Variants in TMEM132D observed in about 807,000 individuals in gnomAD.
TMEM132D encodes the protein transmembrane protein 132D.
TMEM132D carries 21 observed loss-of-function variants against 62.3 expected under a neutral mutation model. The observed-to-expected ratio is 0.34, with a 90% CI of 0.24 to 0.49. The LOEUF is 0.49. Among genes scored for constraint, TMEM132D ranks in the 20% least tolerant of loss-of-function variants. The pLI, the probability that TMEM132D is intolerant of heterozygous loss-of-function variation, is 0.99. For missense variants in TMEM132D, 1,346 were observed against 1,402.8 expected, an observed-to-expected ratio of 0.96 and a Z score of 0.65; for synonymous variants, 621 against 575.6, an observed-to-expected ratio of 1.08 and a Z score of -1.13.
intron 1 of TMEM132D, among the ~76,000 whole-genome samples, chr12:129,814,025 T>C (rs1872271529): frequency 6.6e-6 from 1 of 152,196 alleles, no homozygotes; most frequent in African/African-American, 2.4e-5. Flanking sequence ...CACTGAGGTC[T>C]GATGGAATGA....
At chr12:129,449,981 C>G (rs762094029) in intron 3 of TMEM132D, among the ~76,000 whole-genome samples, 16 of 152,276 alleles carry the variant, frequency 1.1e-4, no homozygotes, top group Non-Finnish European at 2.1e-4. Flanking sequence ...CAGTGATGAG[C>G]TTTTTTCCAT....
intron 2 of TMEM132D, among the ~76,000 whole-genome samples, chr12:129,677,326 C>T (rs1565945648): frequency 6.6e-6 from 1 of 152,186 alleles, no homozygotes; most frequent in Non-Finnish European, 1.5e-5. Flanking sequence ...CTCCCACCAT[C>T]CACATAAGAC....
intron 2 of TMEM132D, among the ~76,000 whole-genome samples, chr12:129,567,307 G>T (rs1174536934): frequency 6.6e-6 from 1 of 152,160 alleles, no homozygotes; most frequent in African/African-American, 2.4e-5. Context: ...ACCAATTCAT[G>T]ATATTATACA....
intron 2 of TMEM132D, among the ~76,000 whole-genome samples, chr12:129,562,842 C>G (rs1202195806): frequency 6.6e-6 from 1 of 152,176 alleles, no homozygotes; most frequent in Non-Finnish European, 1.5e-5. Flanking sequence ...TCCTTTAAGA[C>G]CCGGTTTACA....
At chr12:129,508,230 T>A (rs2137072105) in intron 3 of TMEM132D, among the ~76,000 whole-genome samples, 1 of 152,260 alleles carries the variant, frequency 6.6e-6, no homozygotes, top group South Asian at 2.1e-4. Flanking sequence ...TCTCTACAAG[T>A]TATACAATCC....
intron 3 of TMEM132D, among the ~76,000 whole-genome samples, chr12:129,372,872 G>A (rs1393149068): frequency 2.6e-5 from 4 of 152,226 alleles, no homozygotes; most frequent in East Asian, 3.9e-4. Flanking sequence ...TAAAGGTAAT[G>A]TGCTTGAATT....
chr12:129,544,409 T>C (rs1642769074), intron 2 of TMEM132D, among the ~76,000 whole-genome samples: 1 of 152,234 alleles, frequency 6.6e-6, no homozygotes, highest in South Asian at 2.1e-4. Flanking sequence ...ACACTATTCA[T>C]TAAATGATTC....
chr12:129,309,603 A>C (rs1399166022), intron 4 of TMEM132D, among the ~76,000 whole-genome samples: 1 of 152,114 alleles, frequency 6.6e-6, no homozygotes, highest in African/African-American at 2.4e-5. Context: ...CTCAGAGGAG[A>C]GTTGCACTTT....
At chr12:129,833,558 G>A (rs974158858) in intron 1 of TMEM132D, among the ~76,000 whole-genome samples, 6 of 152,176 alleles carry the variant, frequency 3.9e-5, no homozygotes, top group Admixed American at 2.0e-4. Flanking sequence ...CCAGGAGTTC[G>A]AGGCTGCTGT....
At chr12:129,638,616 CATATAT>C (rs569430518) in intron 2 of TMEM132D, among the ~76,000 whole-genome samples, 1 of 89,112 alleles carries the variant, frequency 1.1e-5, no homozygotes. Context: ...ATAAATTCAG[CATATAT>C]ATATATATAT....
intron 3 of TMEM132D, among the ~76,000 whole-genome samples, chr12:129,488,768 G>A (rs1874667422): frequency 6.6e-6 from 1 of 152,136 alleles, no homozygotes; most frequent in Admixed American, 6.5e-5. Context: ...CAGGTGGGCA[G>A]GGGCTAGGGG....
At chr12:129,350,004 T>C (rs1427690512) in intron 3 of TMEM132D, among the ~76,000 whole-genome samples, 1 of 152,230 alleles carries the variant, frequency 6.6e-6, no homozygotes, top group Non-Finnish European at 1.5e-5. Flanking sequence ...GTTGCTAAAC[T>C]ATGCCAAGAA....
intron 1 of TMEM132D, among the ~76,000 whole-genome samples, chr12:129,877,613 G>GCGCACACACACACACACA (rs1555238201): frequency 8.3e-5 from 12 of 144,400 alleles, no homozygotes; most frequent in African/African-American, 2.8e-4. Flanking sequence ...GCGCGCGCGC[G>GCGCACACACACACACACA]CACACACACA....
intron 5 of TMEM132D, among the ~76,000 whole-genome samples, chr12:129,093,508 C>A (rs1029662371): frequency 1.3e-5 from 2 of 152,140 alleles, no homozygotes; most frequent in Non-Finnish European, 2.9e-5. Context: ...AGGAGAACTA[C>A]AAACCACTGC....
intron 1 of TMEM132D, among the ~76,000 whole-genome samples, chr12:129,871,153 C>G (rs979214165): frequency 6.6e-6 from 1 of 152,060 alleles, no homozygotes; most frequent in Non-Finnish European, 1.5e-5. Context: ...GGGCCTTAAG[C>G]CAGAGAAAAT....
rs77536654 is a variant in TMEM132D at position 129,564,466 on chromosome 12, C to A, written c.969-33261G>T. On this transcript the variant is annotated intron_variant, in intron 2 of 8. Transcript: ENST00000422113. The stretch of plus-strand genomic sequence containing the variant: ...TTTTCCCTCCTCTTTAAGCACTTTG[C>A]GGAGGAAGAAGCCCACAGTCTCCTT... Among the ~76,000 whole-genome samples, 269 of 152,274 alleles carry A rather than the reference C, an allele frequency of 1.8e-3. 1 individual carries two copies. Among genetic ancestry groups the A allele is most frequent in the African/African-American group, 6.0e-3 (248 of 41,552 alleles).
chr12:129,620,063 A>C (rs1879023756), intron 2 of TMEM132D, among the ~76,000 whole-genome samples: 1 of 152,060 alleles, frequency 6.6e-6, no homozygotes, highest in Non-Finnish European at 1.5e-5. Flanking sequence ...TCATCCTCCA[A>C]GTGATCCACG....
rs575973735 is a variant in TMEM132D, at chr12:129,349,290, C to T, written c.1116-11473G>A. Reference sequence around the variant, plus strand: ...ACCTATTTGCCTGAACCCACAGGCACCCTAGGTCATTCTTGTATTCAAGTT... The same window carrying T: ...ACCTATTTGCCTGAACCCACAGGCATCCTAGGTCATTCTTGTATTCAAGTT... On this transcript the variant is annotated intron_variant, in intron 3 of 8. Transcript: ENST00000422113. Among the ~76,000 whole-genome samples, 103 of 152,298 alleles carry T rather than the reference C, an allele frequency of 6.8e-4. 1 individual carries two copies. The highest frequency in any genetic ancestry group is 2.4e-3 in the African/African-American group (101 of 41,558).
intron 5 of TMEM132D, among the ~76,000 whole-genome samples, chr12:129,123,623 G>A (rs1280211039): frequency 6.6e-6 from 1 of 152,184 alleles, no homozygotes; most frequent in East Asian, 1.9e-4. Flanking sequence ...GTTAAGGGAT[G>A]CCAGATTCCT....
Sources: gnomAD v4.1 joint callset for allele counts (sites outside exome capture counted in the v4.1 genomes callset) on GRCh38, gnomAD v4.1.1 for gene constraint, MANE v1.5 for transcripts, NCBI Gene and HGNC (gene_info 2026-07-23, HGNC 2026-07-21) for gene names.